FAF1: variants seen among roughly 807,000 people sequenced by gnomAD.
FAF1 encodes Fas associated factor 1.
FAF1 carries 25 observed loss-of-function variants against 92.5 expected under a neutral mutation model. The observed-to-expected ratio is 0.27, with a 90% CI of 0.20 to 0.38. The LOEUF (loss-of-function observed/expected upper bound fraction) is 0.38. Among genes scored for constraint, FAF1 ranks in the 10% least tolerant of loss-of-function variants. The pLI is 1.00. For missense variants in FAF1, 636 were observed against 793.3 expected (o/e 0.80, Z 2.38); for synonymous variants, 234 against 273.2 (o/e 0.86, Z 1.42).
chr1:50,729,049 TATATA>T (rs1323219786), intron 6 of FAF1, among the ~76,000 whole-genome samples: 12 of 95,786 alleles, frequency 1.3e-4, no homozygotes, highest in Non-Finnish European at 1.7e-4. Context: ...TATATATATA[TATATA>T]TATATTTTTT....
At chr1:50,912,946 T>C (rs1289516298) in intron 1 of FAF1, among the ~76,000 whole-genome samples, 1 of 152,242 alleles carries the variant, frequency 6.6e-6, no homozygotes, top group Non-Finnish European at 1.5e-5. Context: ...TAACAAGTTA[T>C]GCATACATTC....
chr1:50,532,878 C>T (rs1269925538), intron 15 of FAF1, among the ~76,000 whole-genome samples: 1 of 152,204 alleles, frequency 6.6e-6, no homozygotes, highest in East Asian at 1.9e-4. Context: ...GTGGTGCAAG[C>T]ATAGCTCACT....
intron 3 of FAF1, among the ~76,000 whole-genome samples, chr1:50,790,362 G>A (rs777918653): frequency 3.3e-5 from 5 of 151,964 alleles, no homozygotes; most frequent in East Asian, 1.9e-4. Flanking sequence ...GGCTGGGCTC[G>A]AACTCCTGAC....
intron 6 of FAF1, among the ~76,000 whole-genome samples, chr1:50,730,281 ATTAAT>A (rs1488080883): frequency 3.3e-5 from 5 of 151,938 alleles, no homozygotes; most frequent in African/African-American, 1.2e-4. Context: ...GAAATAATTT[ATTAAT>A]TTATTATTTG....
chr1:50,449,067 T>C (rs1052390773), intron 18 of FAF1, among the ~76,000 whole-genome samples: 1 of 152,144 alleles, frequency 6.6e-6, no homozygotes, highest in Non-Finnish European at 1.5e-5. Context: ...AAGATTATTC[T>C]TAAAGAGATG....
At position 50,880,833 on chromosome 1, in the gene FAF1, G is replaced by A. The variant is rs180818538; in HGVS notation, c.46-22836C>T. Among the ~76,000 whole-genome samples the A allele has an allele frequency of 4.9e-4, 74 of 152,294 alleles. 1 individual carries two copies. Among genetic ancestry groups the A allele is most frequent in the Non-Finnish European group, 7.9e-4 (54 of 68,018 alleles). On this transcript the variant is annotated intron_variant, in intron 1 of 18. Coordinates refer to ENST00000396153, the MANE Select transcript of FAF1 (RefSeq NM_007051.3). ...TATAAATTTCATGAGTTGTTCAGTC[G>A]TAGAGTTACCATCATAGAAAGGAAA...
At chr1:50,534,383 C>G (rs549619225) in intron 15 of FAF1, among the ~76,000 whole-genome samples, 149 of 152,224 alleles carry the variant, frequency 9.8e-4, no homozygotes, top group Admixed American at 1.8e-3. Flanking sequence ...CAGGTTCAAG[C>G]GATTATCCTG....
intron 18 of FAF1, chr1:50,452,180 G>C (rs895833422): frequency 7.5e-7 from 1 of 1,336,962 alleles, no homozygotes; most frequent in Admixed American, 2.0e-5. Context: ...CCCCATCCTG[G>C]AAAGTCCTGG....
intron 17 of FAF1, among the ~76,000 whole-genome samples, chr1:50,479,324 G>T (rs1223209654): frequency 6.6e-6 from 1 of 152,216 alleles, no homozygotes; most frequent in African/African-American, 2.4e-5. Context: ...ATACTTGGTT[G>T]CTGGTGCAGG....
chr1:50,826,192 A>C (rs1644095701), intron 2 of FAF1, among the ~76,000 whole-genome samples: 1 of 152,024 alleles, frequency 6.6e-6, no homozygotes, highest in Non-Finnish European at 1.5e-5. Context: ...GTAAACAAAT[A>C]CTCTTTCTTG....
At chr1:50,844,645 G>A (rs778193709) in intron 2 of FAF1, among the ~76,000 whole-genome samples, 41 of 151,230 alleles carry the variant, frequency 2.7e-4, no homozygotes, top group Non-Finnish European at 4.9e-4. Context: ...AAACTGATTC[G>A]GGAAAAATGA....
At chr1:50,651,307 A>G (rs1339124685) in intron 8 of FAF1, among the ~76,000 whole-genome samples, 3 of 152,264 alleles carry the variant, frequency 2.0e-5, no homozygotes, top group Non-Finnish European at 4.4e-5. Flanking sequence ...TCACTGAGGC[A>G]TAATTTATAT....
At chr1:50,585,979 C>T (rs1457633125) in intron 9 of FAF1, among the ~76,000 whole-genome samples, 4 of 151,514 alleles carry the variant, frequency 2.6e-5, no homozygotes, top group Admixed American at 2.0e-4. Flanking sequence ...CTTGAGCCCA[C>T]GAGGTCAAGG....
chr1:50,868,884 T>C (rs1325532240), intron 1 of FAF1, among the ~76,000 whole-genome samples: 1 of 152,202 alleles, frequency 6.6e-6, no homozygotes, highest in African/African-American at 2.4e-5. Flanking sequence ...TTGTGTGGAA[T>C]TGCCATTTAA....
At chr1:50,594,642 G>A (rs1043512696) in intron 9 of FAF1, among the ~76,000 whole-genome samples, 72 of 128,048 alleles carry the variant, frequency 5.6e-4, no homozygotes, top group Non-Finnish European at 9.1e-4. Context: ...GGTGGGGGTT[G>A]GGGGTGGATC....
At chr1:50,660,318 G>C (rs1655315622) in intron 7 of FAF1, among the ~76,000 whole-genome samples, 1 of 152,084 alleles carries the variant, frequency 6.6e-6, no homozygotes, top group Admixed American at 6.5e-5. Context: ...AAATTCAGTA[G>C]ATAACATTCT....
rs191825776 is a variant in FAF1 at position 50,906,696 on chromosome 1, A to G, written c.46-48699T>C. Among the ~76,000 whole-genome samples the G allele has an allele frequency of 9.3e-4, 141 of 152,302 alleles. 1 individual carries two copies. The Middle Eastern group carries it at 0.01, about 11-fold the overall frequency. On this transcript the variant is annotated intron_variant, in intron 1 of 18. Coordinates refer to ENST00000396153, the MANE Select transcript of FAF1 (RefSeq NM_007051.3). ...CTCTCTGTTTGTCTGTTATTGGTGT[A>G]TAGGAATGCCTGTGATTTTTGCACA...
At chr1:50,541,858 T>C (rs1310724818) in intron 13 of FAF1, among the ~76,000 whole-genome samples, 1 of 152,162 alleles carries the variant, frequency 6.6e-6, no homozygotes, top group African/African-American at 2.4e-5. Flanking sequence ...AATTGTGTAC[T>C]TCCCATATTC....
chr1:50,551,194 G>A (rs1315996744), intron 13 of FAF1, among the ~76,000 whole-genome samples: 1 of 152,010 alleles, frequency 6.6e-6, no homozygotes, highest in Non-Finnish European at 1.5e-5. Flanking sequence ...TTTTTTAAAG[G>A]AGGCAAACTG....
Sources: gnomAD v4.1 joint callset for allele counts (sites outside exome capture counted in the v4.1 genomes callset) on GRCh38, gnomAD v4.1.1 for gene constraint, MANE v1.5 for transcripts, NCBI Gene and HGNC (gene_info 2026-07-23, HGNC 2026-07-21) for gene names.